STX8: variants seen among roughly 807,000 people sequenced by gnomAD.
STX8 encodes syntaxin-8.
STX8 carries 23 observed loss-of-function variants against 37.5 expected under a neutral mutation model. The observed-to-expected ratio is 0.61, with a 90% CI of 0.44 to 0.87. The LOEUF is 0.87. STX8 is among the 40% of genes least tolerant of loss of function. The pLI, the probability that STX8 is intolerant of heterozygous loss-of-function variation, is 0.00. For synonymous variants in STX8, 115 were observed against 99.1 expected (o/e 1.16, Z -0.95); for missense variants, 313 against 284.7 (o/e 1.10, Z -0.71).
intron 7 of STX8, among the ~76,000 whole-genome samples, chr17:9,257,846 G>A (rs983421537): frequency 2.8e-4 from 43 of 152,290 alleles, no homozygotes; most frequent in Non-Finnish European, 5.3e-4. Flanking sequence ...AAAATTAGCC[G>A]GGCGTGATGG....
At chr17:9,471,246 G>A (rs1229296964) in intron 6 of STX8, among the ~76,000 whole-genome samples, 1 of 146,958 alleles carries the variant, frequency 6.8e-6, no homozygotes, top group Non-Finnish European at 1.5e-5. Context: ...CCGCCTCCCG[G>A]GTTCAAGCAA....
intron 7 of STX8, among the ~76,000 whole-genome samples, chr17:9,351,715 C>T (rs1009143320): frequency 4.6e-5 from 7 of 152,084 alleles, no homozygotes; most frequent in African/African-American, 1.2e-4. Flanking sequence ...ATTCTTCTAT[C>T]CTTTTTCTAT....
At chr17:9,458,188 C>A (rs1372004679) in intron 6 of STX8, among the ~76,000 whole-genome samples, 3 of 152,142 alleles carry the variant, frequency 2.0e-5, no homozygotes, top group African/African-American at 7.2e-5. Context: ...CTCGCTCTGT[C>A]GTCCAGGCTG....
intron 7 of STX8, among the ~76,000 whole-genome samples, chr17:9,327,191 A>G (rs1384469934): frequency 4.1e-5 from 6 of 145,564 alleles, no homozygotes; most frequent in Admixed American, 2.0e-4. Flanking sequence ...AAGGAAGAAG[A>G]AGGAAGAAGG....
At chr17:9,369,886 C>CAAA (rs60178482) in intron 7 of STX8, among the ~76,000 whole-genome samples, 4,470 of 52,002 alleles carry the variant, frequency 0.086, 252 homozygotes, top group East Asian at 0.13. Context: ...GACCCTGTAC[C>CAAA]AAAAAAAAAA....
chr17:9,310,363 ACTCT>A (rs1170847763), intron 7 of STX8, among the ~76,000 whole-genome samples: 2 of 152,184 alleles, frequency 1.3e-5, no homozygotes, highest in African/African-American at 4.8e-5. Flanking sequence ...GGAATTGCTA[ACTCT>A]CTAAGTAAAG....
At chr17:9,392,991 A>AT (rs1912277440) in intron 6 of STX8, among the ~76,000 whole-genome samples, 1 of 152,198 alleles carries the variant, frequency 6.6e-6, no homozygotes, top group Non-Finnish European at 1.5e-5. Context: ...ACACCTACAT[A>AT]TTTGAGAAGC....
At chr17:9,460,368 C>CT (rs1905325794) in intron 6 of STX8, among the ~76,000 whole-genome samples, 2 of 152,006 alleles carry the variant, frequency 1.3e-5, no homozygotes, top group Non-Finnish European at 2.9e-5. Flanking sequence ...TTTTGAATAT[C>CT]TTTTTAAAAA....
intron 6 of STX8, among the ~76,000 whole-genome samples, chr17:9,483,167 G>A (rs1906418797): frequency 6.6e-6 from 1 of 151,786 alleles, no homozygotes. Flanking sequence ...CAGTTTCACT[G>A]GACTGAAATT....
At chr17:9,501,474 T>G (rs2142494126) in intron 5 of STX8, among the ~76,000 whole-genome samples, 1 of 149,540 alleles carries the variant, frequency 6.7e-6, no homozygotes, top group Non-Finnish European at 1.5e-5. Context: ...GTGGGTCACC[T>G]GAGGTCAGGA....
At chr17:9,349,379 G>A (rs890678727) in intron 7 of STX8, among the ~76,000 whole-genome samples, 1 of 138,432 alleles carries the variant, frequency 7.2e-6, no homozygotes, top group African/African-American at 2.8e-5. Flanking sequence ...AGAGTGCAGT[G>A]GCGCAATCTC....
intron 7 of STX8, among the ~76,000 whole-genome samples, chr17:9,290,288 G>A (rs1345532582): frequency 6.7e-6 from 1 of 148,624 alleles, no homozygotes; most frequent in Non-Finnish European, 1.5e-5. Context: ...TCATCACCAG[G>A]TGAAAGTCTA....
rs1331820349 is a variant in STX8, at chr17:9,409,598, A to G, written c.542-30945T>C. 2.6e-5 allele frequency among the ~76,000 whole-genome samples: 4 copies of G among 152,342 alleles called. No homozygotes were observed. The East Asian group carries it at 5.8e-4, about 22-fold the overall frequency. ...TTTCCAAAAGCCATTACAAATTGGC[A>G]TATACTATTATGTCACTGTGCCAAC... On this transcript the variant is annotated intron_variant, in intron 6 of 7. Coordinates refer to ENST00000306357, the MANE Select transcript of STX8 (RefSeq NM_004853.3).
chr17:9,298,918 TAGC>T (rs1431395263), intron 7 of STX8, among the ~76,000 whole-genome samples: 2 of 152,196 alleles, frequency 1.3e-5, no homozygotes, highest in Non-Finnish European at 2.9e-5. Context: ...CTCTTCTAAG[TAGC>T]AGCAGCAGAT....
intron 6 of STX8, among the ~76,000 whole-genome samples, chr17:9,458,779 C>T (rs1286595430): frequency 1.3e-5 from 2 of 151,544 alleles, no homozygotes; most frequent in East Asian, 1.9e-4. Flanking sequence ...ATTATATAGG[C>T]GTATCGGCCA....
chr17:9,569,620 CTCT>C (rs1163015678), intron 1 of STX8: 3 of 152,166 alleles, frequency 2.0e-5, no homozygotes, highest in Admixed American at 6.6e-5. Context: ...TGTTTTGCTT[CTCT>C]CAGAGCATTT....
intron 6 of STX8, among the ~76,000 whole-genome samples, chr17:9,400,323 G>A (rs191217803): frequency 6.6e-6 from 1 of 151,730 alleles, no homozygotes; most frequent in African/African-American, 2.4e-5. Flanking sequence ...GGATGGTCTC[G>A]ATCTCCTGAC....
At chr17:9,385,920 C>G (rs183904814) in intron 6 of STX8, among the ~76,000 whole-genome samples, 1 of 152,154 alleles carries the variant, frequency 6.6e-6, no homozygotes, top group African/African-American at 2.4e-5. Context: ...TTTACAGGCA[C>G]GCGCCACTGC....
chr17:9,294,205 G>A (rs1389755445), intron 7 of STX8, among the ~76,000 whole-genome samples: 1 of 152,172 alleles, frequency 6.6e-6, no homozygotes, highest in Non-Finnish European at 1.5e-5. Flanking sequence ...CCCAGGGTCA[G>A]CAAAGAACTC....
Sources: allele counts gnomAD v4.1 joint callset (sites outside exome capture counted in the v4.1 genomes callset), GRCh38; gene constraint gnomAD v4.1.1; transcripts MANE v1.5; gene names NCBI Gene and HGNC (gene_info 2026-07-23, HGNC 2026-07-21).